CRACD: variants seen among roughly 807,000 people sequenced by gnomAD.
CRACD encodes capping protein-inhibiting regulator of actin dynamics.
CRACD carries 56 observed loss-of-function variants against 106.8 expected under a neutral mutation model. That is an observed-to-expected ratio of 0.52 (90% CI 0.42 to 0.66). The LOEUF (loss-of-function observed/expected upper bound fraction) is 0.66. Among genes scored for constraint, CRACD ranks in the 30% least tolerant of loss-of-function variants. The probability of loss-of-function intolerance (pLI) is 0.00; values close to 1 mark genes in which losing one functional copy is unlikely to be tolerated. For missense variants in CRACD, 1,730 were observed against 1,623.2 expected, an observed-to-expected ratio of 1.07 and a Z score of -1.13; for synonymous variants, 754 against 670.8, an observed-to-expected ratio of 1.12 and a Z score of -1.92.
At chr4:56,060,694 A>T (rs1055160130) in intron 1 of CRACD, among the ~76,000 whole-genome samples, 1 of 152,160 alleles carries the variant, frequency 6.6e-6, no homozygotes, top group African/African-American at 2.4e-5. Flanking sequence ...CCCAAAATTC[A>T]TATGTTGAAA....
intron 1 of CRACD, among the ~76,000 whole-genome samples, chr4:56,085,438 G>A (rs1475357810): frequency 6.6e-6 from 1 of 152,054 alleles, no homozygotes; most frequent in Non-Finnish European, 1.5e-5. Context: ...TTAGAGCCAA[G>A]AGAAACGGAT....
chr4:56,263,644 G>A (rs1023620013), intron 2 of CRACD, among the ~76,000 whole-genome samples: 2 of 152,122 alleles, frequency 1.3e-5, no homozygotes, highest in African/African-American at 4.8e-5. Flanking sequence ...ACCTTTTAAA[G>A]ACTCTATCTC....
chr4:56,056,470 A>G (rs1732066984), intron 1 of CRACD, among the ~76,000 whole-genome samples: 1 of 152,086 alleles, frequency 6.6e-6, no homozygotes, highest in Non-Finnish European at 1.5e-5. Context: ...ATGTGCTATC[A>G]ATTTAAAATT....
At chr4:56,235,456 C>T (rs1211940632) in intron 2 of CRACD, among the ~76,000 whole-genome samples, 4 of 152,210 alleles carry the variant, frequency 2.6e-5, no homozygotes, top group Non-Finnish European at 5.9e-5. Context: ...AATACCAGCT[C>T]ACATCTCTAT....
At chr4:56,176,475 C>T (rs1444172477) in intron 1 of CRACD, among the ~76,000 whole-genome samples, 1 of 144,074 alleles carries the variant, frequency 6.9e-6, no homozygotes, top group Non-Finnish European at 1.5e-5. Context: ...GTCGTCCAGA[C>T]TGGAGTGCAG....
chr4:56,108,656 C>A (rs1181116370), intron 1 of CRACD, among the ~76,000 whole-genome samples: 2 of 152,034 alleles, frequency 1.3e-5, no homozygotes, highest in Non-Finnish European at 1.5e-5. Flanking sequence ...ACAAGGGGGG[C>A]AGGGTAAGGA....
At chr4:56,131,549 G>A (rs1734825351) in intron 1 of CRACD, among the ~76,000 whole-genome samples, 1 of 152,196 alleles carries the variant, frequency 6.6e-6, no homozygotes, top group Admixed American at 6.5e-5. Flanking sequence ...GTAGTATGGA[G>A]CTTTCTATAG....
intron 2 of CRACD, among the ~76,000 whole-genome samples, chr4:56,207,405 T>C (rs751508772): frequency 3.9e-5 from 6 of 152,184 alleles, no homozygotes; most frequent in Admixed American, 1.3e-4. Flanking sequence ...GTGCTGCCTA[T>C]CCAGGAGAGT....
intron 8 of CRACD, 42 bp downstream of exon 8, chr4:56,316,731 T>TTTAATGATA: frequency 6.4e-6 from 10 of 1,567,944 alleles, no homozygotes; most frequent in South Asian, 4.7e-5. Flanking sequence ...AGCCGAGGTG[T>TTTAATGATA]CAGAGCCAGG....
chr4:56,310,795 C>CA, intron 6 of CRACD, 61 bp downstream of exon 6: 3 of 966,750 alleles, frequency 3.1e-6, no homozygotes, highest in East Asian at 2.6e-5. Flanking sequence ...ATCTTCCCCC[C>CA]CCCTTTTTTT....
intron 8 of CRACD, among the ~76,000 whole-genome samples, chr4:56,322,176 A>G (rs116781577): frequency 1.1e-4 from 17 of 152,350 alleles, no homozygotes; most frequent in African/African-American, 3.1e-4. Context: ...TAGGCATATA[A>G]GAACAGCTCA....
rs1745534169 is a variant in CRACD at position 56,315,353 on chromosome 4, G to A, written c.1851G>A (p.Ala617=). Residue 617 remains alanine (A), a synonymous_variant, in exon 8 of 11, where the codon GCG becomes GCA. Transcript: ENST00000682029. This position sits in a 1 kb window ranked among gnomAD's most constrained non-coding sequence, Gnocchi z 4.1. ...ACCTGAGCCAGATCAAGGACACCGC[G>A]TGCAAGTCCCTCCTGGGCTTGGAGG... is the stretch of plus-strand genomic sequence containing the variant. The part of the protein sequence containing the change: ...AVNLSQIKDT[A]CKSLLGLEEK... The A allele has an allele frequency of 5.0e-6, 8 of 1,613,690 alleles. No individual in the cohort carries two copies. Among genetic ancestry groups the A allele is most frequent in the Non-Finnish European group, 6.8e-6 (8 of 1,179,922 alleles).
chr4:56,185,193 G>A (rs1486172602), intron 2 of CRACD, among the ~76,000 whole-genome samples: 14 of 152,250 alleles, frequency 9.2e-5, no homozygotes, highest in African/African-American at 2.6e-4. Flanking sequence ...TCCTGACCTC[G>A]TGATCTGCCC....
intron 1 of CRACD, among the ~76,000 whole-genome samples, chr4:56,098,694 A>G (rs1195837914): frequency 6.6e-6 from 1 of 152,016 alleles, no homozygotes; most frequent in Non-Finnish European, 1.5e-5. Flanking sequence ...ACTTGGTGCA[A>G]TCTATTCTTT....
intron 2 of CRACD, among the ~76,000 whole-genome samples, chr4:56,229,730 A>C (rs903788629): frequency 2.0e-5 from 3 of 152,210 alleles, no homozygotes; most frequent in African/African-American, 7.2e-5. Flanking sequence ...TTCTAAATGT[A>C]CTGTATGGTA....
intron 1 of CRACD, among the ~76,000 whole-genome samples, chr4:56,117,592 C>T (rs927256665): frequency 6.6e-6 from 1 of 151,992 alleles, no homozygotes; most frequent in African/African-American, 2.4e-5. Context: ...AAAAGAGTTA[C>T]AGAGATGGAT....
At chr4:56,113,630 A>G (rs760323207) in intron 1 of CRACD, among the ~76,000 whole-genome samples, 2 of 152,080 alleles carry the variant, frequency 1.3e-5, no homozygotes, top group Admixed American at 6.6e-5. Context: ...ACTCTATGTC[A>G]TCTTGGTGGC....
rs1364083190 is a variant in CRACD at position 56,330,105 on chromosome 4, C to T, written c.*2301C>T. On this transcript the variant is annotated 3_prime_UTR_variant, in exon 11 of 11. Transcript: ENST00000682029. The stretch of plus-strand genomic sequence containing the variant: ...TATTTTGCTTTAGTAGTCTTCTGAG[C>T]AACAAACTATGGGGAATTCTGTAAA... Among the ~76,000 whole-genome samples the T allele has an allele frequency of 6.6e-6, 1 of 151,768 alleles. No individual in the cohort carries two copies. Among genetic ancestry groups the T allele is most frequent in the African/African-American group, 2.4e-5 (1 of 41,320 alleles).
intron 2 of CRACD, among the ~76,000 whole-genome samples, chr4:56,209,859 C>G (rs975683644): frequency 6.6e-6 from 1 of 152,146 alleles, no homozygotes; most frequent in Non-Finnish European, 1.5e-5. Flanking sequence ...CCTCCTGACT[C>G]ACAGGTAGTC....
Sources: gnomAD v4.1 joint callset for allele counts (sites outside exome capture counted in the v4.1 genomes callset) on GRCh38, gnomAD v4.1.1 for gene constraint, Gnocchi (gnomAD v3.1) non-coding constraint, MANE v1.5 for transcripts, NCBI Gene and HGNC (gene_info 2026-07-23, HGNC 2026-07-21) for gene names.